The following ZBTB20 variants were observed in gnomAD, a reference collection of about 807,000 sequenced individuals.
ZBTB20 encodes the protein zinc finger and BTB domain containing 20, also known as zinc finger and BTB domain-containing protein 20.
A neutral mutation model predicts 56.9 loss-of-function variants in ZBTB20; 9 were observed. The ratio of observed to expected loss-of-function variants is 0.16; its 90% confidence interval spans 0.10 to 0.28. The LOEUF (loss-of-function observed/expected upper bound fraction) is 0.28. ZBTB20 is among the 10% of genes least tolerant of loss of function. ZBTB20 has a pLI of 1.00. For synonymous variants in ZBTB20, 417 were observed against 420.7 expected, an observed-to-expected ratio of 0.99 and a Z score of 0.11; for missense variants, 655 against 1,003.0, an observed-to-expected ratio of 0.65 and a Z score of 4.69.
intron 6 of ZBTB20, among the ~76,000 whole-genome samples, chr3:114,631,707 T>G (rs961853173): frequency 2.0e-5 from 3 of 152,064 alleles, no homozygotes; most frequent in Admixed American, 1.3e-4. Context: ...GGTTACTGTT[T>G]TTCAGAAAAA....
chr3:114,761,853 A>G (rs1297381920), intron 5 of ZBTB20, among the ~76,000 whole-genome samples: 1 of 152,060 alleles, frequency 6.6e-6, no homozygotes, highest in African/African-American at 2.4e-5. Flanking sequence ...GAAAAAAAAA[A>G]AAGAAAGAAA....
chr3:115,140,175 T>C (rs191822885), intron 1 of ZBTB20, among the ~76,000 whole-genome samples: 1 of 152,146 alleles, frequency 6.6e-6, no homozygotes, highest in Admixed American at 6.5e-5. Context: ...GCATAGATTA[T>C]GCAACATGCC....
rs149661912 is a variant in ZBTB20 at position 114,832,062 on chromosome 3, C to T, written c.-416-30888G>A. Among the ~76,000 whole-genome samples the T allele has an allele frequency of 1.3e-3, 199 of 152,152 alleles. 2 individuals carry two copies. Among genetic ancestry groups the T allele is most frequent in the Non-Finnish European group, 2.6e-4 (18 of 67,990 alleles). On this transcript the variant is annotated intron_variant, in intron 4 of 11. Transcript: ENST00000675478. ...GAATAAGCCTCTGAGAGTCTATAGA[C>T]AGGTCTGAAAAAACAAAAGGTGTTG...
chr3:114,541,927 T>C (rs1040721095), intron 6 of ZBTB20, among the ~76,000 whole-genome samples: 1 of 152,172 alleles, frequency 6.6e-6, no homozygotes, highest in Admixed American at 6.6e-5. Context: ...ATGTAACACA[T>C]GCTCTTTAAA....
chr3:114,703,458 G>A (rs1008601284), intron 5 of ZBTB20, among the ~76,000 whole-genome samples: 1 of 151,952 alleles, frequency 6.6e-6, no homozygotes. Context: ...GATAAGATCT[G>A]CTAGGGAAAT....
chr3:114,858,386 C>G lies in ZBTB20; in HGVS notation c.-417+41918G>C, dbSNP rs911105272. Among the ~76,000 whole-genome samples, 6 of 152,130 alleles carry G rather than the reference C, an allele frequency of 3.9e-5. 1 individual carries two copies. The highest frequency in any genetic ancestry group is 6.6e-5 in the Admixed American group (1 of 15,266). On this transcript the variant is annotated intron_variant, in intron 4 of 11. Transcript: ENST00000675478. ...TAAAAACAAGAAGCTCTAGATAATT[C>G]TTTTTAGTGGACTCACTAAAATAAC...
chr3:114,340,463 C>G (rs540312464), intron 11 of ZBTB20, among the ~76,000 whole-genome samples: 12 of 152,124 alleles, frequency 7.9e-5, no homozygotes, highest in South Asian at 2.1e-4. Flanking sequence ...GGCGGAAACC[C>G]TTGTTTTTCC....
chr3:114,459,783 G>C (rs1292636812), intron 7 of ZBTB20, among the ~76,000 whole-genome samples: 2 of 151,964 alleles, frequency 1.3e-5, no homozygotes, highest in African/African-American at 4.8e-5. Flanking sequence ...ACTTGTTTTG[G>C]TTATTTTCAT....
intron 6 of ZBTB20, among the ~76,000 whole-genome samples, chr3:114,560,379 C>A (rs1330252290): frequency 6.6e-6 from 1 of 152,142 alleles, no homozygotes; most frequent in Non-Finnish European, 1.5e-5. Flanking sequence ...TGTACCAGGT[C>A]CTGCTCTAAG....
chr3:114,907,547 T>G (rs2075367781), intron 3 of ZBTB20, among the ~76,000 whole-genome samples: 1 of 151,860 alleles, frequency 6.6e-6, no homozygotes, highest in African/African-American at 2.4e-5. Flanking sequence ...AATAAGCTCA[T>G]CAAGAGTTCA....
chr3:114,948,429 G>A (rs1424810738), intron 3 of ZBTB20, among the ~76,000 whole-genome samples: 1 of 146,070 alleles, frequency 6.8e-6, no homozygotes. Flanking sequence ...AGTGCAACAA[G>A]TCAAAAACAC....
At chr3:114,347,151 C>T in intron 11 of ZBTB20, among the ~76,000 whole-genome samples, 1 of 126,430 alleles carries the variant, frequency 7.9e-6, no homozygotes, top group Non-Finnish European at 1.6e-5. Context: ...CTCCTGGGCT[C>T]AAGTGATCTT....
chr3:115,143,399 C>T (rs960170459), intron 1 of ZBTB20, among the ~76,000 whole-genome samples: 1 of 152,106 alleles, frequency 6.6e-6, no homozygotes, highest in Non-Finnish European at 1.5e-5. Context: ...GGCATGGTGG[C>T]ATGCACCTTA....
chr3:114,501,413 G>A (rs2043943055), intron 6 of ZBTB20, among the ~76,000 whole-genome samples: 1 of 151,956 alleles, frequency 6.6e-6, no homozygotes. Context: ...ATCACTTGAG[G>A]TCAGGAGTTC....
At chr3:114,724,447 A>AT (rs1450518990) in intron 5 of ZBTB20, among the ~76,000 whole-genome samples, 30 of 152,292 alleles carry the variant, frequency 2.0e-4, no homozygotes, top group East Asian at 1.4e-3. Context: ...CCTTTTTAGA[A>AT]AGAGAGGCAG....
intron 1 of ZBTB20, among the ~76,000 whole-genome samples, chr3:115,093,061 A>T (rs1402647943): frequency 6.6e-6 from 1 of 152,146 alleles, no homozygotes; most frequent in Non-Finnish European, 1.5e-5. Context: ...TTTTACAGGA[A>T]GGAAACTGAG....
At chr3:114,360,036 G>T (rs1316999614) in intron 10 of ZBTB20, among the ~76,000 whole-genome samples, 1 of 151,626 alleles carries the variant, frequency 6.6e-6, no homozygotes, top group African/African-American at 2.4e-5. Context: ...GTAAGAAACT[G>T]ATTTTTTGAC....
intron 11 of ZBTB20, among the ~76,000 whole-genome samples, chr3:114,341,690 T>C (rs2079781544): frequency 6.6e-6 from 1 of 152,230 alleles, no homozygotes; most frequent in Admixed American, 6.5e-5. Flanking sequence ...TGTGTGCATG[T>C]AGTATTGGTT....
At chr3:114,725,616 C>A (rs2065218728) in intron 5 of ZBTB20, among the ~76,000 whole-genome samples, 1 of 152,182 alleles carries the variant, frequency 6.6e-6, no homozygotes, top group East Asian at 1.9e-4. Context: ...TGTTCTGGAT[C>A]TAAGGAGAAA....
Sources: gnomAD v4.1 joint callset for allele counts (sites outside exome capture counted in the v4.1 genomes callset) on GRCh38, gnomAD v4.1.1 for gene constraint, MANE v1.5 for transcripts, NCBI Gene and HGNC (gene_info 2026-07-23, HGNC 2026-07-21) for gene names.